Variants in ARHGAP21 observed in about 807,000 individuals in gnomAD.
ARHGAP21 encodes the protein Rho GTPase activating protein 21, also known as rho GTPase-activating protein 21.
In ARHGAP21, 38 loss-of-function variants were observed where a neutral mutation model predicts 164.6. The ratio of observed to expected loss-of-function variants is 0.23; its 90% CI spans 0.18 to 0.30. ARHGAP21 has a LOEUF of 0.30. ARHGAP21 is among the 10% of genes least tolerant of loss of function. The pLI, the probability that ARHGAP21 is intolerant of heterozygous loss-of-function variation, is 1.00. For missense variants in ARHGAP21, 1,822 were observed against 2,370.7 expected, an observed-to-expected ratio of 0.77 and a Z score of 4.81; for synonymous variants, 766 against 857.9, an observed-to-expected ratio of 0.89 and a Z score of 1.87.
At chr10:24,658,849 AAAC>A (rs1401904811) in intron 4 of ARHGAP21, among the ~76,000 whole-genome samples, 11 of 152,200 alleles carry the variant, frequency 7.2e-5, no homozygotes, top group Admixed American at 3.9e-4. Context: ...CAACAACAAA[AAAC>A]AACCCAATTT....
At chr10:24,586,860 G>A (rs1480249744) in intron 25 of ARHGAP21, among the ~76,000 whole-genome samples, 1 of 152,108 alleles carries the variant, frequency 6.6e-6, no homozygotes, top group Non-Finnish European at 1.5e-5. Context: ...TCAGCCTAGG[G>A]AACATGGTGA....
rs577748234 is a variant in ARHGAP21 at position 24,591,572 on chromosome 10, T to C, written c.4044+70A>G. 4.9e-5 allele frequency: 76 copies of C among 1,559,902 alleles called. No individual in the cohort carries two copies. In the East Asian group the frequency reaches 1.5e-3, roughly 31 times the overall value. The stretch of plus-strand genomic sequence containing the variant: ...ACAATAGCAAAGCAGGAAGTTGACA[T>C]TGTTGGCGCGCCAGGATCTTGTGTC... On this transcript the variant is annotated intron_variant, in intron 23 of 25. Coordinates refer to ENST00000396432, the MANE Select transcript of ARHGAP21 (RefSeq NM_020824.4).
intron 2 of ARHGAP21, among the ~76,000 whole-genome samples, chr10:24,681,642 T>A (rs973850747): frequency 4.7e-5 from 7 of 149,504 alleles, no homozygotes; most frequent in Non-Finnish European, 1.0e-4. Context: ...CATTTTGTCT[T>A]TTTTTTTTTC....
At chr10:24,721,750 GC>G in intron 2 of ARHGAP21, 86 bp downstream of exon 2, 1 of 1,480,856 alleles carries the variant, frequency 6.8e-7, no homozygotes, top group Non-Finnish European at 9.3e-7. Flanking sequence ...CCCTAGTGAG[GC>G]CCCGTGGCCG....
rs576740365 is a variant in ARHGAP21 at position 24,692,986 on chromosome 10, C to CA, written c.64-22590dup. ...GATAATGCTGAGTGAAAAAAAAACACAACAGGTGCATACAGCGTGATAATA... is the reference window on the plus strand; with the variant it reads ...GATAATGCTGAGTGAAAAAAAAACACAAACAGGTGCATACAGCGTGATAATA... On this transcript the variant is annotated intron_variant, in intron 2 of 25. Transcript: ENST00000396432. Among the ~76,000 whole-genome samples the CA allele has an allele frequency of 1.6e-3, 235 of 151,006 alleles. 1 individual carries two copies. The highest frequency in any genetic ancestry group is 5.4e-3 in the African/African-American group (223 of 41,130).
intron 4 of ARHGAP21, among the ~76,000 whole-genome samples, chr10:24,653,443 G>C (rs561238829): frequency 6.6e-6 from 1 of 152,188 alleles, no homozygotes; most frequent in East Asian, 1.9e-4. Flanking sequence ...AGGCGTGGTG[G>C]CGGGCGCCTA....
chr10:24,600,573 C>A, intron 14 of ARHGAP21, 73 bp downstream of exon 14: 2 of 1,500,186 alleles, frequency 1.3e-6, no homozygotes, highest in Admixed American at 2.1e-5. Flanking sequence ...AATGATATAT[C>A]ATATTCCTTA....
rs1179076914 is a variant in ARHGAP21, at chr10:24,648,940, G to C, written c.269-13837C>G. ...CCCATATTTTCCCACCTGTCCACTAGAGAAAAACAAAATAAATATTTTGAA... is the reference window on the plus strand; with the variant it reads ...CCCATATTTTCCCACCTGTCCACTACAGAAAAACAAAATAAATATTTTGAA... On this transcript the variant is annotated intron_variant, in intron 4 of 25. Transcript: ENST00000396432. 5.0e-6 allele frequency: 4 copies of C among 799,518 alleles called. No homozygotes were observed. The Admixed American group carries it at 1.9e-4, about 37-fold the overall frequency. The allele number at this position is 799,518 out of a possible 1,614,324, so 49.5% of individuals were successfully genotyped here. A position where few individuals can be genotyped will look rare whatever the true frequency, so the allele number is the denominator to read the frequency against.
chr10:24,638,064 A>G (rs1311933356), intron 4 of ARHGAP21, among the ~76,000 whole-genome samples: 3 of 151,842 alleles, frequency 2.0e-5, no homozygotes, highest in Non-Finnish European at 4.4e-5. Context: ...ATGGGGTTTC[A>G]CTATGTTGGC....
At chr10:24,716,538 C>A (rs181654331) in intron 2 of ARHGAP21, among the ~76,000 whole-genome samples, 2 of 152,240 alleles carry the variant, frequency 1.3e-5, no homozygotes, top group Non-Finnish European at 2.9e-5. Context: ...CAGAGTGAGG[C>A]GGGAAGAGGC....
chr10:24,656,906 C>G (rs1593190676), intron 4 of ARHGAP21, among the ~76,000 whole-genome samples: 1 of 58,204 alleles, frequency 1.7e-5, no homozygotes. Flanking sequence ...GTCGGCCCCC[C>G]GCCCGGCCAG....
At chr10:24,604,133 G>A (rs1488838490) in intron 12 of ARHGAP21, among the ~76,000 whole-genome samples, 179 bp downstream of exon 12, 2 of 152,180 alleles carry the variant, frequency 1.3e-5, no homozygotes, top group African/African-American at 4.8e-5. Flanking sequence ...CTGCTGGGCA[G>A]TTAGGACTGC....
chr10:24,603,745 C>T (rs2076910266), intron 12 of ARHGAP21, among the ~76,000 whole-genome samples: 1 of 152,212 alleles, frequency 6.6e-6, no homozygotes, highest in East Asian at 1.9e-4. Flanking sequence ...CACCTGTAAT[C>T]CCAGCACTTT....
intron 4 of ARHGAP21, among the ~76,000 whole-genome samples, chr10:24,662,454 G>C (rs1839800236): frequency 6.6e-6 from 1 of 152,068 alleles, no homozygotes. Flanking sequence ...TACAAAATAA[G>C]AATATTATCT....
intron 4 of ARHGAP21, among the ~76,000 whole-genome samples, chr10:24,659,559 C>G (rs562046244): frequency 2.6e-5 from 4 of 152,342 alleles, no homozygotes; most frequent in African/African-American, 9.6e-5. Flanking sequence ...AGGTGATCTG[C>G]CCACCTCGGC....
At chr10:24,673,146 T>A (rs1041194897) in intron 2 of ARHGAP21, among the ~76,000 whole-genome samples, 6 of 152,186 alleles carry the variant, frequency 3.9e-5, no homozygotes, top group African/African-American at 1.4e-4. Context: ...TCCATTGCAA[T>A]CCCAATCAAA....
intron 2 of ARHGAP21, among the ~76,000 whole-genome samples, chr10:24,718,222 T>C (rs1845586079): frequency 6.6e-6 from 1 of 152,166 alleles, no homozygotes; most frequent in Admixed American, 6.5e-5. Flanking sequence ...TAGATGGTAG[T>C]GCTACTCAGC....
intron 2 of ARHGAP21, among the ~76,000 whole-genome samples, chr10:24,705,709 G>A (rs1424855860): frequency 6.6e-6 from 1 of 152,132 alleles, no homozygotes; most frequent in African/African-American, 2.4e-5. Context: ...TAAATAACTT[G>A]TTTTTAGTAA....
At chr10:24,704,192 T>C (rs1843981178) in intron 2 of ARHGAP21, among the ~76,000 whole-genome samples, 1 of 152,134 alleles carries the variant, frequency 6.6e-6, no homozygotes, top group African/African-American at 2.4e-5. Flanking sequence ...GTACTGATTT[T>C]GTGACCTCCA....
Sources: gnomAD v4.1 joint callset for allele counts (sites outside exome capture counted in the v4.1 genomes callset) on GRCh38, gnomAD v4.1.1 for gene constraint, MANE v1.5 for transcripts, NCBI Gene and HGNC (gene_info 2026-07-23, HGNC 2026-07-21) for gene names.